DEPDC4: variants seen among roughly 807,000 people sequenced by gnomAD.
The protein encoded by DEPDC4 is DEP domain containing 4, also known as DEP domain-containing protein 4.
DEPDC4 carries 52 observed loss-of-function variants against 52.0 expected under a neutral mutation model. The ratio of observed to expected loss-of-function variants is 1.00; its 90% CI spans 0.80 to 1.26. DEPDC4 has a LOEUF of 1.26. DEPDC4 is among the 50% of genes most tolerant of loss of function. The pLI is 0.00. For synonymous variants in DEPDC4, 201 were observed against 196.8 expected (o/e 1.02, Z -0.18); for missense variants, 530 against 546.9 (o/e 0.97, Z 0.31).
intron 8 of DEPDC4, among the ~76,000 whole-genome samples, chr12:100,244,506 GCT>G (rs2096176938): frequency 6.6e-6 from 1 of 151,334 alleles, no homozygotes; most frequent in Non-Finnish European, 1.5e-5. Context: ...ACAGGGTCTT[GCT>G]CTGTCACCCC....
At chr12:100,277,124 G>T in the DEPDC4 span, among the ~76,000 whole-genome samples, 2 of 152,130 alleles carry the variant, frequency 1.3e-5, no homozygotes, top group African/African-American at 2.4e-5. Context: ...TATTTCAGTA[G>T]TTATAAATAT....
At chr12:100,253,065 C>T (rs1402254380) in intron 5 of DEPDC4, among the ~76,000 whole-genome samples, 2 of 152,094 alleles carry the variant, frequency 1.3e-5, no homozygotes, top group African/African-American at 2.4e-5. Context: ...TACAGGCGCC[C>T]GCCACTACAC....
At chr12:100,258,686 C>G (rs1185467610) in intron 3 of DEPDC4, among the ~76,000 whole-genome samples, 1 of 147,530 alleles carries the variant, frequency 6.8e-6, no homozygotes, top group East Asian at 1.9e-4. Flanking sequence ...GGGGAAATAC[C>G]TTTAAAAGTA....
intron 8 of DEPDC4, among the ~76,000 whole-genome samples, chr12:100,244,134 T>TATATATACACAC (rs1403751762): frequency 3.3e-5 from 4 of 121,792 alleles, no homozygotes; most frequent in African/African-American, 6.0e-5. Flanking sequence ...TATATATATA[T>TATATATACACAC]ACACAAAATA....
chr12:100,270,814 A>G (rs1332430566), upstream of DEPDC4, among the ~76,000 whole-genome samples: 1 of 151,676 alleles, frequency 6.6e-6, no homozygotes, highest in Non-Finnish European at 1.5e-5. Context: ...AGTGGTCTTA[A>G]AATTTGTGAC....
intron 8 of DEPDC4, among the ~76,000 whole-genome samples, chr12:100,246,757 G>A (rs984369591): frequency 4.6e-5 from 7 of 151,988 alleles, no homozygotes; most frequent in Admixed American, 2.6e-4. Context: ...GCCAACATGA[G>A]GAAACCCTGT....
chr12:100,266,053 C>G (rs537110633), intron 1 of DEPDC4, among the ~76,000 whole-genome samples: 3 of 151,614 alleles, frequency 2.0e-5, no homozygotes, highest in African/African-American at 7.3e-5. Context: ...CTTCCGTACC[C>G]CAGTAAAATT....
downstream of DEPDC4, among the ~76,000 whole-genome samples, chr12:100,235,529 T>A (rs1231178366): frequency 6.6e-6 from 1 of 151,852 alleles, no homozygotes; most frequent in African/African-American, 2.4e-5. Flanking sequence ...CCCTTACCCC[T>A]TTCCCACCCT....
chr12:100,241,585 T>G lies in DEPDC4; in HGVS notation c.*307A>C, dbSNP rs559056053. ...CTTAAAATCCTTTGAGATTATGCTT[T>G]CTCTGAAGTGTAAGTATGGCAATTT... On this transcript the variant is annotated 3_prime_UTR_variant, in exon 10 of 10. Coordinates refer to ENST00000550587, the MANE Select transcript of DEPDC4 (RefSeq NM_001364818.2). The G allele has an allele frequency of 5.3e-5, 42 of 786,078 alleles. No homozygotes were observed. The highest frequency in any genetic ancestry group is 6.7e-5 in the Non-Finnish European group (41 of 611,288). The allele number at this position is 786,078 out of a possible 1,614,324, so 48.7% of individuals were successfully genotyped here.
chr12:100,276,869 C>T, the DEPDC4 span, among the ~76,000 whole-genome samples: 1 of 151,908 alleles, frequency 6.6e-6, no homozygotes, highest in Non-Finnish European at 1.5e-5. Context: ...TTTAAACTCC[C>T]TAATATAAAC....
the DEPDC4 span, among the ~76,000 whole-genome samples, chr12:100,276,780 G>A: frequency 6.6e-6 from 1 of 150,446 alleles, no homozygotes; most frequent in South Asian, 2.1e-4. Flanking sequence ...CTCTTTCATT[G>A]ATTCCTCCTC....
the DEPDC4 span, among the ~76,000 whole-genome samples, chr12:100,274,153 AAGTG>A: frequency 2.6e-5 from 4 of 152,234 alleles, no homozygotes; most frequent in Admixed American, 2.0e-4. Context: ...TAATAGAAGA[AAGTG>A]GGTTATATTT....
chr12:100,264,523 A>G lies in DEPDC4; in HGVS notation c.158-630T>C, dbSNP rs760464174. Among the ~76,000 whole-genome samples, 21 of 152,104 alleles carry G rather than the reference A, an allele frequency of 1.4e-4. 1 individual carries two copies. The highest frequency in any genetic ancestry group is 2.6e-4 in the Non-Finnish European group (18 of 68,030). Reference sequence around the variant, plus strand: ...ACGAGACTCCACCTCTACTAAAAATACAAAAATTAGCCGAGCGTGGTGGCA... The same window carrying G: ...ACGAGACTCCACCTCTACTAAAAATGCAAAAATTAGCCGAGCGTGGTGGCA... On this transcript the variant is annotated intron_variant, in intron 1 of 9. Coordinates refer to ENST00000550587, the MANE Select transcript of DEPDC4 (RefSeq NM_001364818.2).
chr12:100,255,799 G>T, intron 4 of DEPDC4: 1 of 252,668 alleles, frequency 4.0e-6, no homozygotes, highest in Non-Finnish European at 7.5e-6. Context: ...ACAGAATTTT[G>T]GATGATGCGG....
intron 4 of DEPDC4, among the ~76,000 whole-genome samples, chr12:100,254,589 AGTGCTGGGATTATAG>A (rs2096224338): frequency 6.6e-6 from 1 of 152,082 alleles, no homozygotes; most frequent in Non-Finnish European, 1.5e-5. Flanking sequence ...GGGCTTCCAA[AGTGCTGGGATTATAG>A]GTGTGGGCCC....
At chr12:100,248,262 C>T (rs1315343714) in intron 8 of DEPDC4, among the ~76,000 whole-genome samples, 2 of 151,984 alleles carry the variant, frequency 1.3e-5, no homozygotes, top group African/African-American at 4.8e-5. Context: ...TTATCATTCC[C>T]ATTTCGTAGT....
chr12:100,275,456 A>T, the DEPDC4 span, among the ~76,000 whole-genome samples: 1 of 152,200 alleles, frequency 6.6e-6, no homozygotes, highest in Non-Finnish European at 1.5e-5. Context: ...TCAGCCTCCC[A>T]AGGTGCTGGG....
chr12:100,271,281 A>AAAGAG (rs869276181), upstream of DEPDC4, among the ~76,000 whole-genome samples: 3 of 128,906 alleles, frequency 2.3e-5, no homozygotes, highest in African/African-American at 8.3e-5. Context: ...AAAAAAAAAA[A>AAAGAG]AGAGAGAGAG....
downstream of DEPDC4, among the ~76,000 whole-genome samples, chr12:100,235,821 G>A (rs149186652): frequency 6.6e-6 from 1 of 152,104 alleles, no homozygotes; most frequent in African/African-American, 2.4e-5. Flanking sequence ...TGATCCACCT[G>A]CCTCAGCTTC....
Sources: gnomAD v4.1 joint callset for allele counts (sites outside exome capture counted in the v4.1 genomes callset) on GRCh38, gnomAD v4.1.1 for gene constraint, MANE v1.5 for transcripts, NCBI Gene and HGNC (gene_info 2026-07-23, HGNC 2026-07-21) for gene names.